POLA2: variants seen among roughly 807,000 people sequenced by gnomAD.
The protein encoded by POLA2 is DNA polymerase alpha 2, accessory subunit.
Under a neutral mutation model 82.8 loss-of-function variants are expected in POLA2, and 47 were observed. The ratio of observed to expected loss-of-function variants is 0.57; its 90% CI spans 0.45 to 0.72. POLA2 has a LOEUF of 0.72. Among genes scored for constraint, POLA2 ranks in the 30% least tolerant of loss-of-function variants. POLA2 has a pLI of 0.00. For missense variants in POLA2, 634 were observed against 728.1 expected (o/e 0.87, Z 1.49); for synonymous variants, 287 against 286.8 (o/e 1.00, Z -0.01).
chr11:65,282,584 G>A (rs1357638260), intron 10 of POLA2, 63 bp downstream of exon 10: 2 of 1,391,224 alleles, frequency 1.4e-6, no homozygotes, highest in East Asian at 2.3e-5. Context: ...GTCCAGGAGT[G>A]CAGTTTCCCA....
In POLA2 at chr11:65,275,934, A is replaced by T; in HGVS notation, c.397A>T (p.Thr133Ser). The change falls in exon 5 of 18, where the codon ACA becomes TCA. Residue 133 changes from threonine to serine, a missense_variant. Physicochemically the swap from Thr to Ser is moderately conservative, Grantham distance 58. Coordinates refer to ENST00000265465, the MANE Select transcript of POLA2 (RefSeq NM_002689.4). ...RAISTPETPLTKRSVSTRSPH... is the reference protein window; with the variant it reads ...RAISTPETPLSKRSVSTRSPH... ...TATCTCTACCCCAGAAACCCCCCTA[A>T]CAAAAAGGAGTGTGTCAACTCGTAG... The T allele has an allele frequency of 6.2e-6, 10 of 1,609,084 alleles. No homozygotes were observed. Among genetic ancestry groups the T allele is most frequent in the Non-Finnish European group, 7.6e-6 (9 of 1,177,888 alleles).
intron 1 of POLA2, among the ~76,000 whole-genome samples, chr11:65,264,000 G>A (rs565703123): frequency 6.6e-6 from 1 of 152,290 alleles, no homozygotes; most frequent in African/African-American, 2.4e-5. Flanking sequence ...GTGGACTTTG[G>A]ATCATCAGTA....
intron 10 of POLA2, among the ~76,000 whole-genome samples, chr11:65,286,549 C>T (rs985384977): frequency 2.0e-5 from 3 of 151,956 alleles, no homozygotes; most frequent in Admixed American, 2.0e-4. Flanking sequence ...ACCACTCTGC[C>T]CAGCTAATTT....
chr11:65,274,347 C>T (rs1272317498), intron 4 of POLA2, among the ~76,000 whole-genome samples: 1 of 146,342 alleles, frequency 6.8e-6, no homozygotes, highest in Non-Finnish European at 1.5e-5. Flanking sequence ...GCCTGGGCAA[C>T]AAGAGCGAAG....
rs557117870 is a variant in POLA2, at chr11:65,284,532, CT to C, written c.1006+2025del. Among the ~76,000 whole-genome samples the C allele has an allele frequency of 2.4e-3, 318 of 134,046 alleles. 1 individual carries two copies. The highest frequency in any genetic ancestry group is 3.8e-3 in the Middle Eastern group (1 of 262). The allele number at this position is 134,046 out of a possible 152,430, so 87.9% of individuals were successfully genotyped here. The stretch of plus-strand genomic sequence containing the variant: ...TATTTCAAGGCATTGTTTTTTTTTT[CT>C]TTTTTTTTTTTTTAGACAGAGTTTC... On this transcript the variant is annotated intron_variant, in intron 10 of 17. Coordinates refer to ENST00000265465, the MANE Select transcript of POLA2 (RefSeq NM_002689.4).
intron 1 of POLA2, among the ~76,000 whole-genome samples, chr11:65,263,924 C>A (rs1373867411): frequency 6.6e-6 from 1 of 152,096 alleles, no homozygotes; most frequent in Non-Finnish European, 1.5e-5. Context: ...TTATGTGAAC[C>A]AGATTTGTAA....
intron 17 of POLA2, chr11:65,296,438 T>C (rs973431475): frequency 2.3e-5 from 4 of 173,182 alleles, no homozygotes; most frequent in Non-Finnish European, 3.8e-5. Flanking sequence ...TTAGGTCCCT[T>C]ACAAGGAATC....
chr11:65,283,643 T>G (rs887367262), intron 10 of POLA2, among the ~76,000 whole-genome samples: 3 of 151,764 alleles, frequency 2.0e-5, no homozygotes, highest in Non-Finnish European at 4.4e-5. Flanking sequence ...ATTTTTGTAT[T>G]TTTACAAAAC....
intron 9 of POLA2, among the ~76,000 whole-genome samples, chr11:65,282,209 T>G (rs1177300314): frequency 6.6e-6 from 1 of 152,230 alleles, no homozygotes; most frequent in African/African-American, 2.4e-5. Flanking sequence ...GGCACCTGTT[T>G]TGCTCCCACT....
downstream of POLA2, among the ~76,000 whole-genome samples, chr11:65,301,327 A>G (rs916207900): frequency 2.0e-5 from 3 of 151,956 alleles, no homozygotes; most frequent in African/African-American, 7.3e-5. Context: ...TTTGCCTCCC[A>G]CCCCCTGTGC....
At chr11:65,277,990 A>G (rs112061872) in intron 5 of POLA2, among the ~76,000 whole-genome samples, 1,578 of 152,366 alleles carry the variant, frequency 0.01, 23 homozygotes, top group African/African-American at 0.035. Context: ...TGGTTCCCGC[A>G]GAGTTTCAGT....
chr11:65,285,229 C>A lies in POLA2; in HGVS notation c.1007-2487C>A, dbSNP rs184165947. 2.5e-3 allele frequency among the ~76,000 whole-genome samples: 373 copies of A among 152,200 alleles called. 3 individuals carry two copies. Among genetic ancestry groups the A allele is most frequent in the South Asian group, 0.012 (60 of 4,814 alleles). On this transcript the variant is annotated intron_variant, in intron 10 of 17. Transcript: ENST00000265465. ...GACCATTCTGGCCAACAAGCTGAAA[C>A]CCCATCTCCACTAAAAAATACAAAA...
intron 7 of POLA2, chr11:65,279,827 T>C: frequency 1.9e-6 from 1 of 532,980 alleles, no homozygotes; most frequent in South Asian, 2.5e-5. Flanking sequence ...AGTGATTTTC[T>C]TCCCACTTGG....
rs1949405051 is a variant in POLA2 at position 65,262,201 on chromosome 11, G to C, written c.-92G>C. ...CCGCGGAGGGGGGAAGGATAAGAGG[G>C]CGAGGAGCTCATCGCTCGCCACCCC... is the stretch of plus-strand genomic sequence containing the variant. On this transcript the variant is annotated 5_prime_UTR_variant, in exon 1 of 18. Coordinates refer to ENST00000265465, the MANE Select transcript of POLA2 (RefSeq NM_002689.4). The C allele has an allele frequency of 1.1e-6, 1 of 926,328 alleles. No homozygotes were observed. Among genetic ancestry groups the C allele is most frequent in the Non-Finnish European group, 1.7e-6 (1 of 581,488 alleles). The allele number at this position is 926,328 out of a possible 1,614,324, so 57.4% of individuals were successfully genotyped here.
chr11:65,281,777 A>T, intron 9 of POLA2, 45 bp downstream of exon 9: 1 of 1,438,212 alleles, frequency 7.0e-7, no homozygotes, highest in Non-Finnish European at 9.8e-7. Context: ...GCTTCAGACA[A>T]AGTATGTCTG....
In POLA2 at chr11:65,266,536, C is replaced by T. The variant is rs374332085; in HGVS notation, c.80-46C>T. 5.4e-5 allele frequency: 87 copies of T among 1,605,976 alleles called. No individual in the cohort carries two copies. The African/African-American group carries it at 7.4e-4, about 14-fold the overall frequency. On this transcript the variant is annotated intron_variant, in intron 1 of 17. Transcript: ENST00000265465. ...ATTTTTGCTTTTCTAGGTGAAACTT[C>T]GAGAAATGAACTAAGTTTTTACTTG...
At chr11:65,280,631 A>G in intron 7 of POLA2, 1 of 234,112 alleles carries the variant, frequency 4.3e-6, no homozygotes, top group South Asian at 6.8e-5. Flanking sequence ...AGCTCAAGAA[A>G]TGTTAGCTAT....
chr11:65,274,334 C>T (rs1171199790), intron 4 of POLA2, among the ~76,000 whole-genome samples: 2 of 151,316 alleles, frequency 1.3e-5, no homozygotes, highest in Admixed American at 1.3e-4. Flanking sequence ...ACATCGCACT[C>T]CAGCCTGGGC....
At chr11:65,290,978 C>T (rs115833673) in intron 13 of POLA2, among the ~76,000 whole-genome samples, 1 of 152,300 alleles carries the variant, frequency 6.6e-6, no homozygotes, top group African/African-American at 2.4e-5. Context: ...ATAGACCAAA[C>T]GGAAGGAACT....
Sources: gnomAD v4.1 joint callset for allele counts (sites outside exome capture counted in the v4.1 genomes callset) on GRCh38, gnomAD v4.1.1 for gene constraint, MANE v1.5 for transcripts, NCBI Gene and HGNC (gene_info 2026-07-23, HGNC 2026-07-21) for gene names.